DYM: variants seen among roughly 807,000 people sequenced by gnomAD.
DYM encodes the protein dymeclin.
In DYM, 78 loss-of-function variants were observed where a neutral mutation model predicts 93.1. The observed-to-expected ratio is 0.84, with a 90% CI of 0.70 to 1.01. DYM has a LOEUF of 1.01. Among genes scored for constraint, DYM ranks in the 50% least tolerant of loss-of-function variants. DYM has a pLI of 0.00. For missense variants in DYM, 789 were observed against 845.0 expected, an observed-to-expected ratio of 0.93 and a Z score of 0.82; for synonymous variants, 321 against 319.7, an observed-to-expected ratio of 1.00 and a Z score of -0.04.
chr18:49,328,050 G>A (rs1157171048), intron 8 of DYM, among the ~76,000 whole-genome samples: 1 of 152,040 alleles, frequency 6.6e-6, no homozygotes, highest in Non-Finnish European at 1.5e-5. Flanking sequence ...TGTAATCTTA[G>A]ACAAAATAAC....
chr18:49,126,663 T>TC (rs1358816181), intron 15 of DYM, among the ~76,000 whole-genome samples: 1 of 151,640 alleles, frequency 6.6e-6, no homozygotes, highest in Non-Finnish European at 1.5e-5. Context: ...TATTTGATTT[T>TC]TTTTCATAAA....
chr18:49,168,690 C>G (rs533273329), intron 14 of DYM, among the ~76,000 whole-genome samples: 1 of 152,054 alleles, frequency 6.6e-6, no homozygotes, highest in African/African-American at 2.4e-5. Context: ...GAACTCAAGT[C>G]TACTGGGATG....
intron 16 of DYM, among the ~76,000 whole-genome samples, chr18:49,104,136 T>A (rs1022633421): frequency 2.0e-4 from 31 of 152,288 alleles, no homozygotes; most frequent in African/African-American, 7.5e-4. Context: ...ACATCCCTTG[T>A]AAGTTGGATT....
At chr18:49,265,818 C>G (rs1263898667) in intron 11 of DYM, among the ~76,000 whole-genome samples, 2 of 148,210 alleles carry the variant, frequency 1.3e-5, no homozygotes, top group Non-Finnish European at 3.0e-5. Context: ...GAAGAAAATA[C>G]TGAAAACAAA....
intron 14 of DYM, among the ~76,000 whole-genome samples, chr18:49,183,062 T>C (rs1187742357): frequency 6.6e-6 from 1 of 152,232 alleles, no homozygotes; most frequent in Non-Finnish European, 1.5e-5. Context: ...ATGTTTTTCC[T>C]TACTTGAAGT....
intron 16 of DYM, chr18:49,114,688 T>C (rs1318650674): frequency 5.3e-5 from 26 of 494,918 alleles, no homozygotes; most frequent in Non-Finnish European, 7.8e-6. Context: ...TGTGTGTGTG[T>C]GTTTAAGAGA....
intron 2 of DYM, among the ~76,000 whole-genome samples, chr18:49,414,622 C>A (rs1434217688): frequency 6.6e-6 from 1 of 152,148 alleles, no homozygotes; most frequent in Non-Finnish European, 1.5e-5. Context: ...TCCACTTCAG[C>A]CTCTTTACAC....
intron 2 of DYM, among the ~76,000 whole-genome samples, chr18:49,401,994 C>G (rs1169538878): frequency 6.6e-6 from 1 of 151,104 alleles, no homozygotes; most frequent in Admixed American, 6.6e-5. Context: ...CCACTGCACT[C>G]CAGCCTGGGC....
intron 17 of DYM, among the ~76,000 whole-genome samples, chr18:49,054,805 G>A (rs947304411): frequency 6.6e-6 from 1 of 152,208 alleles, no homozygotes; most frequent in African/African-American, 2.4e-5. Flanking sequence ...TTTCACCACT[G>A]TGGAGTGTCC....
At chr18:49,349,949 T>C (rs1206179201) in intron 6 of DYM, among the ~76,000 whole-genome samples, 2 of 152,146 alleles carry the variant, frequency 1.3e-5, no homozygotes, top group Non-Finnish European at 2.9e-5. Context: ...AGAGACCCTG[T>C]CTCAAAAAAA....
intron 8 of DYM, among the ~76,000 whole-genome samples, chr18:49,289,756 T>TATATATATAC (rs2059956843): frequency 4.2e-5 from 2 of 47,716 alleles, no homozygotes; most frequent in African/African-American, 1.5e-4. Context: ...TATATATATA[T>TATATATATAC]ATATATATAT....
intron 17 of DYM, among the ~76,000 whole-genome samples, chr18:49,081,579 G>C (rs978293525): frequency 6.7e-6 from 1 of 149,964 alleles, no homozygotes; most frequent in Non-Finnish European, 1.5e-5. Flanking sequence ...GGGAGCTGTA[G>C]AGATTCTTGT....
chr18:49,303,864 G>A (rs185496986), intron 8 of DYM, among the ~76,000 whole-genome samples: 23 of 152,204 alleles, frequency 1.5e-4, no homozygotes, highest in Non-Finnish European at 2.8e-4. Flanking sequence ...TATACATGGG[G>A]GGAAAATTAC....
intron 16 of DYM, 65 bp downstream of exon 16, chr18:49,118,679 T>G: frequency 6.9e-7 from 1 of 1,440,900 alleles, no homozygotes; most frequent in Non-Finnish European, 9.7e-7. Context: ...TACCAAGGCT[T>G]ATTAAACATT....
At chr18:49,174,564 C>G (rs892394800) in intron 14 of DYM, among the ~76,000 whole-genome samples, 1 of 152,058 alleles carries the variant, frequency 6.6e-6, no homozygotes, top group African/African-American at 2.4e-5. Flanking sequence ...CCCCTACTTT[C>G]AGAAACAGAA....
At chr18:49,341,479 G>A (rs1224688396) in intron 6 of DYM, among the ~76,000 whole-genome samples, 1 of 119,784 alleles carries the variant, frequency 8.3e-6, no homozygotes, top group Non-Finnish European at 1.6e-5. Flanking sequence ...GCTACAGAGT[G>A]AGACTCCATC....
At chr18:49,187,047 G>C (rs953399822) in intron 14 of DYM, among the ~76,000 whole-genome samples, 1 of 151,462 alleles carries the variant, frequency 6.6e-6, no homozygotes, top group South Asian at 2.1e-4. Context: ...AGCCGTCCGA[G>C]TAGCTGGGAC....
At chr18:49,246,069 G>T (rs2094157453) in intron 13 of DYM, among the ~76,000 whole-genome samples, 1 of 152,198 alleles carries the variant, frequency 6.6e-6, no homozygotes, top group African/African-American at 2.4e-5. Context: ...GTCCCAGTTT[G>T]TAAAGGAGGA....
At chr18:49,354,778 A>T (rs578258700) in intron 6 of DYM, among the ~76,000 whole-genome samples, 1 of 152,174 alleles carries the variant, frequency 6.6e-6, no homozygotes, top group South Asian at 2.1e-4. Context: ...AACACCACCA[A>T]ACGCTGACAA....
Sources: gnomAD v4.1 joint callset for allele counts (sites outside exome capture counted in the v4.1 genomes callset) on GRCh38, gnomAD v4.1.1 for gene constraint, MANE v1.5 for transcripts, NCBI Gene and HGNC (gene_info 2026-07-23, HGNC 2026-07-21) for gene names.